ASIC2: variants seen among roughly 807,000 people sequenced by gnomAD.
ASIC2 encodes the protein acid-sensing ion channel 2.
ASIC2 carries 25 observed loss-of-function variants against 57.3 expected under a neutral mutation model. The ratio of observed to expected loss-of-function variants is 0.44; its 90% CI spans 0.32 to 0.61. ASIC2 has a LOEUF of 0.61. Among genes scored for constraint, ASIC2 ranks in the 20% least tolerant of loss-of-function variants. The pLI is 0.06. For synonymous variants in ASIC2, 319 were observed against 307.5 expected (o/e 1.04, Z -0.39); for missense variants, 641 against 738.1 (o/e 0.87, Z 1.52).
At chr17:33,304,558 C>A (rs1225447237) in intron 1 of ASIC2, among the ~76,000 whole-genome samples, 1 of 152,236 alleles carries the variant, frequency 6.6e-6, no homozygotes, top group Non-Finnish European at 1.5e-5. Flanking sequence ...GCCACAGATG[C>A]TGCTGCCTGA....
intron 1 of ASIC2, among the ~76,000 whole-genome samples, chr17:33,845,971 T>C (rs1913582262): frequency 2.0e-5 from 3 of 152,200 alleles, no homozygotes; most frequent in African/African-American, 7.2e-5. Context: ...CTTATGACTT[T>C]CGTATTGGCG....
chr17:33,033,695 G>A (rs2091896132), intron 3 of ASIC2, among the ~76,000 whole-genome samples: 1 of 152,220 alleles, frequency 6.6e-6, no homozygotes, highest in Non-Finnish European at 1.5e-5. Context: ...GGCAGGAAGG[G>A]GATGGGTCCC....
chr17:33,126,856 CTTT>C lies in ASIC2; in HGVS notation c.709-14792_709-14790del, dbSNP rs1159710708. Among the ~76,000 whole-genome samples the C allele has an allele frequency of 5.4e-4, 46 of 85,328 alleles. 1 individual carries two copies. Among genetic ancestry groups the C allele is most frequent in the Non-Finnish European group, 9.3e-4 (44 of 47,374 alleles). The allele number at this position is 85,328 out of a possible 152,430, so 56.0% of individuals were successfully genotyped here. A position where few individuals can be genotyped will look rare whatever the true frequency, so the allele number is the denominator to read the frequency against. ...ACCTCCCAGCAACCCTACCATTACTCTTTTTTTTTTTTTTTTTTTTTTGAGACG... is the reference window on the plus strand; with the variant it reads ...ACCTCCCAGCAACCCTACCATTACTCTTTTTTTTTTTTTTTTTTTGAGACG... On this transcript the variant is annotated intron_variant, in intron 1 of 9. Coordinates refer to ENST00000225823, the MANE Select transcript of ASIC2 (RefSeq NM_183377.2).
chr17:33,576,525 G>C (rs1334194511), intron 1 of ASIC2, among the ~76,000 whole-genome samples: 3 of 152,088 alleles, frequency 2.0e-5, no homozygotes, highest in Non-Finnish European at 4.4e-5. Context: ...ACAAGTTCTA[G>C]AGCCAGATTG....
chr17:33,536,135 G>T (rs1284585706), intron 1 of ASIC2, among the ~76,000 whole-genome samples: 1 of 152,192 alleles, frequency 6.6e-6, no homozygotes, highest in Admixed American at 6.5e-5. Flanking sequence ...GAAGGCTGGG[G>T]AGTATACGGG....
chr17:33,336,928 G>C (rs1485121566), intron 1 of ASIC2, among the ~76,000 whole-genome samples: 1 of 152,138 alleles, frequency 6.6e-6, no homozygotes, highest in Admixed American at 6.6e-5. Flanking sequence ...AAATGGCCTT[G>C]GTTCTTGAGG....
intron 1 of ASIC2, among the ~76,000 whole-genome samples, chr17:33,738,573 G>A (rs1347160331): frequency 6.6e-6 from 1 of 152,086 alleles, no homozygotes; most frequent in Admixed American, 6.6e-5. Context: ...AGTGGTAGCT[G>A]GCTTAATATC....
chr17:33,762,246 G>A (rs1279750816), intron 1 of ASIC2, among the ~76,000 whole-genome samples: 1 of 152,072 alleles, frequency 6.6e-6, no homozygotes, highest in Non-Finnish European at 1.5e-5. Context: ...ACCACATTGG[G>A]TCCTGGGACC....
At chr17:33,765,507 G>T (rs1422334016) in intron 1 of ASIC2, among the ~76,000 whole-genome samples, 1 of 152,158 alleles carries the variant, frequency 6.6e-6, no homozygotes, top group Non-Finnish European at 1.5e-5. Flanking sequence ...TGTTGTCTCA[G>T]GCAGGTTCCT....
chr17:34,040,702 G>A (rs1268282005), intron 1 of ASIC2, among the ~76,000 whole-genome samples: 1 of 152,108 alleles, frequency 6.6e-6, no homozygotes, highest in African/African-American at 2.4e-5. Flanking sequence ...ACTGCTTCAA[G>A]GGTAGTTTCC....
At chr17:33,187,885 A>C (rs868179063) in intron 1 of ASIC2, among the ~76,000 whole-genome samples, 1 of 151,062 alleles carries the variant, frequency 6.6e-6, no homozygotes, top group Non-Finnish European at 1.5e-5. Flanking sequence ...CCTGACAGCC[A>C]ATCAAAAATG....
At chr17:33,894,456 C>T (rs899742380) in intron 1 of ASIC2, among the ~76,000 whole-genome samples, 3 of 151,656 alleles carry the variant, frequency 2.0e-5, no homozygotes, top group Admixed American at 6.6e-5. Flanking sequence ...ATCAGCAGAG[C>T]GAGTTGTTCT....
intron 3 of ASIC2, among the ~76,000 whole-genome samples, chr17:33,038,384 C>T (rs772731809): frequency 3.9e-5 from 6 of 152,180 alleles, no homozygotes; most frequent in South Asian, 2.1e-4. Flanking sequence ...GACTCCTGCC[C>T]GGTTCAGACA....
At chr17:34,058,817 T>C (rs1908864511) in intron 1 of ASIC2, among the ~76,000 whole-genome samples, 2 of 152,196 alleles carry the variant, frequency 1.3e-5, no homozygotes, top group Admixed American at 6.5e-5. Flanking sequence ...GCATTTTCCA[T>C]GTGCCAAATA....
intron 1 of ASIC2, among the ~76,000 whole-genome samples, chr17:33,852,781 A>G (rs1197122113): frequency 1.3e-5 from 2 of 152,146 alleles, no homozygotes; most frequent in East Asian, 1.9e-4. Context: ...CTCACATTAC[A>G]AATTGTCTTT....
chr17:33,055,441 C>T (rs1004162205), intron 3 of ASIC2, among the ~76,000 whole-genome samples: 1 of 152,210 alleles, frequency 6.6e-6, no homozygotes, highest in East Asian at 1.9e-4. Context: ...TCCTGCTCCC[C>T]CGTCTGCTTC....
At chr17:33,771,497 C>A (rs910570719) in intron 1 of ASIC2, among the ~76,000 whole-genome samples, 1 of 152,090 alleles carries the variant, frequency 6.6e-6, no homozygotes, top group African/African-American at 2.4e-5. Flanking sequence ...TAAGCCTGTG[C>A]CTGTGGGTAG....
At chr17:33,814,918 A>G (rs1912533481) in intron 1 of ASIC2, among the ~76,000 whole-genome samples, 1 of 152,082 alleles carries the variant, frequency 6.6e-6, no homozygotes, top group Non-Finnish European at 1.5e-5. Flanking sequence ...TCTAGTATAT[A>G]GATGTTTTAT....
intron 1 of ASIC2, among the ~76,000 whole-genome samples, chr17:34,013,314 AAC>A (rs1306882265): frequency 2.0e-5 from 3 of 152,108 alleles, no homozygotes; most frequent in African/African-American, 4.8e-5. Context: ...ATCCAACTGG[AAC>A]ACAGACTGTA....
Sources: allele counts gnomAD v4.1 joint callset (sites outside exome capture counted in the v4.1 genomes callset), GRCh38; gene constraint gnomAD v4.1.1; transcripts MANE v1.5; gene names NCBI Gene and HGNC (gene_info 2026-07-23, HGNC 2026-07-21).